SH2B2: variants seen among roughly 807,000 people sequenced by gnomAD.
The protein encoded by SH2B2 is SH2B adaptor protein 2.
A neutral mutation model predicts 35.7 loss-of-function variants in SH2B2; 37 were observed. The ratio of observed to expected loss-of-function variants is 1.04; its 90% CI spans 0.80 to 1.36. The LOEUF is 1.36. Among genes scored for constraint, SH2B2 ranks in the 40% most tolerant of loss-of-function variants. The probability of loss-of-function intolerance (pLI) is 0.00; values close to 1 mark genes in which losing one functional copy is unlikely to be tolerated. For missense variants in SH2B2, 852 were observed against 817.7 expected, an observed-to-expected ratio of 1.04 and a Z score of -0.51; for synonymous variants, 383 against 376.4, an observed-to-expected ratio of 1.02 and a Z score of -0.20.
At chr7:102,321,236 G>T in intron 8 of SH2B2, 63 bp from the exon 9 acceptor site, 5 of 1,276,434 alleles carry the variant, frequency 3.9e-6, no homozygotes, top group Non-Finnish European at 4.0e-6. Context: ...AGGGATCCCG[G>T]CCTCCCTGCA....
intron 7 of SH2B2, among the ~76,000 whole-genome samples, chr7:102,319,285 AC>A (rs1189525100): frequency 6.6e-6 from 1 of 152,084 alleles, no homozygotes; most frequent in Non-Finnish European, 1.5e-5. Context: ...CTGTGGTGGG[AC>A]CCCTCTGTGC....
At chr7:102,309,373 T>TG (rs1793528059) in intron 4 of SH2B2, 1 of 344,630 alleles carries the variant, frequency 2.9e-6, no homozygotes, top group Non-Finnish European at 5.7e-6. Flanking sequence ...TTTTTTTTTT[T>TG]TTTTTGAGAC....
chr7:102,300,748 C>G lies in SH2B2; in HGVS notation c.198C>G (p.Ala66=). 6 of 1,540,182 alleles carry G rather than the reference C, an allele frequency of 3.9e-6. No individual in the cohort carries two copies. Among genetic ancestry groups the G allele is most frequent in the Non-Finnish European group, 5.3e-6 (6 of 1,139,820 alleles). ...GCGCCTCCTTCTCCCGCCACTTCGC[C>G]GCCAACTTCCTGGACGTCTTCGGCG... ...DAGASFSRHF[A]ANFLDVFGEE... The change falls in exon 2 of 9, where the codon GCC becomes GCG. Residue 66 remains alanine, a synonymous_variant. Coordinates refer to ENST00000444095, the MANE Select transcript of SH2B2 (RefSeq NM_001359228.2).
chr7:102,321,533 G>C lies in SH2B2; in HGVS notation c.1802G>C (p.Arg601Pro). 3 of 1,144,306 alleles carry C rather than the reference G, an allele frequency of 2.6e-6. No individual in the cohort carries two copies. Among genetic ancestry groups the C allele is most frequent in the Non-Finnish European group, 3.2e-6 (3 of 932,822 alleles). 70.9% of individuals were successfully genotyped at this position (1,144,306 alleles called of 1,614,324 possible). A position where few individuals can be genotyped will look rare whatever the true frequency, so the allele number is the denominator to read the frequency against. ...SARSRSNSAE[R>P]LLEAVAATAA... ...CGGAGCCGCAGCAACAGCGCCGAGC[G>C]CCTGCTGGAGGCCGTGGCCGCCACC... Residue 601 changes from arginine to proline, a missense_variant, in exon 9 of 9, where the codon CGC (arginine) becomes CCC (proline). Arg to Pro is a moderately radical substitution (Grantham distance 103). Coordinates refer to ENST00000444095, the MANE Select transcript of SH2B2 (RefSeq NM_001359228.2).
chr7:102,289,276 C>A (rs1479074941), intron 1 of SH2B2, among the ~76,000 whole-genome samples: 7 of 152,080 alleles, frequency 4.6e-5, no homozygotes, highest in Admixed American at 3.9e-4. Context: ...GGACAACCAG[C>A]CAGGAGCTCA....
intron 2 of SH2B2, among the ~76,000 whole-genome samples, chr7:102,302,130 G>A (rs1331554710): frequency 6.6e-6 from 1 of 152,210 alleles, no homozygotes; most frequent in Admixed American, 6.5e-5. Context: ...CAAAGTGCTG[G>A]GATTACAAGC....
At chr7:102,300,114 C>T (rs1304171411) in intron 1 of SH2B2, among the ~76,000 whole-genome samples, 8 of 152,338 alleles carry the variant, frequency 5.3e-5, no homozygotes, top group African/African-American at 1.9e-4. Flanking sequence ...ACCTCTGCCT[C>T]TTGGGCTCAA....
chr7:102,288,433 C>G (rs1200368675), intron 1 of SH2B2, among the ~76,000 whole-genome samples: 4 of 152,114 alleles, frequency 2.6e-5, no homozygotes, highest in African/African-American at 9.7e-5. Flanking sequence ...CATACAAGAA[C>G]AGCCCCACCC....
At chr7:102,312,505 G>A (rs1793666381) in intron 4 of SH2B2, among the ~76,000 whole-genome samples, 1 of 152,198 alleles carries the variant, frequency 6.6e-6, no homozygotes, top group Admixed American at 6.5e-5. Context: ...GACCCAGCCA[G>A]GCCTGTCTGT....
At chr7:102,311,554 CTT>C (rs1171961750) in intron 4 of SH2B2, among the ~76,000 whole-genome samples, 62,371 of 103,410 alleles carry the variant, frequency 0.6, 18,652 homozygotes, top group East Asian at 0.64. Context: ...TGCAACTGGC[CTT>C]TTTTTTTTTT....
At position 102,320,422 on chromosome 7, in the gene SH2B2, C is replaced by A. The variant is rs782315534; in HGVS notation, c.1487C>A (p.Thr496Lys). 3.2e-5 allele frequency: 52 copies of A among 1,613,644 alleles called. No individual in the cohort carries two copies. The highest frequency in any genetic ancestry group is 3.8e-5 in the Non-Finnish European group (45 of 1,179,882). The stretch of plus-strand genomic sequence containing the variant: ...CTTGACATGCTCCGCCACTTCCACA[C>A]ACACCCCATCCCACTGGAGTCAGGG... Reference protein sequence around the residue: ...SVLDMLRHFHTHPIPLESGGS... With the variant: ...SVLDMLRHFHKHPIPLESGGS... Residue 496 changes from threonine to lysine, a missense_variant, in exon 8 of 9, where the codon ACA becomes AAA. Coordinates refer to ENST00000444095, the MANE Select transcript of SH2B2 (RefSeq NM_001359228.2).
rs113764263 is a variant in SH2B2, at chr7:102,286,955, G to C, written c.-169G>C. ...ACGCGCCGGGACCGCGAGGAGCGCAGGAGCCTTCGAGGCGGTGAACGAGGG... is the reference window on the plus strand; with the variant it reads ...ACGCGCCGGGACCGCGAGGAGCGCACGAGCCTTCGAGGCGGTGAACGAGGG... On this transcript the variant is annotated 5_prime_UTR_variant, in exon 1 of 9. Coordinates refer to ENST00000444095, the MANE Select transcript of SH2B2 (RefSeq NM_001359228.2). 89,588 of 146,660 alleles carry C rather than the reference G, an allele frequency of 0.61. 27,777 individuals are homozygous for C. The highest frequency in any genetic ancestry group is 0.72 in the Middle Eastern group (206 of 286). 9.1% of individuals were successfully genotyped at this position (146,660 alleles called of 1,614,324 possible).
At chr7:102,305,375 C>T (rs906569373) in intron 2 of SH2B2, among the ~76,000 whole-genome samples, 1 of 152,144 alleles carries the variant, frequency 6.6e-6, no homozygotes, top group Non-Finnish European at 1.5e-5. Flanking sequence ...AAGTGATCCT[C>T]GTGCCTCAGC....
intron 6 of SH2B2, among the ~76,000 whole-genome samples, chr7:102,315,957 G>A (rs1196064447): frequency 6.6e-6 from 1 of 151,910 alleles, no homozygotes; most frequent in Non-Finnish European, 1.5e-5. Context: ...GACTTCACCA[G>A]TGGGTTGGGT....
intron 2 of SH2B2, among the ~76,000 whole-genome samples, chr7:102,302,326 G>A (rs1369266509): frequency 6.6e-6 from 1 of 152,250 alleles, no homozygotes; most frequent in Admixed American, 6.5e-5. Flanking sequence ...CTGACTCCAT[G>A]GGGCTCTGCT....
chr7:102,292,892 G>A (rs1792730203), intron 1 of SH2B2, among the ~76,000 whole-genome samples: 1 of 152,208 alleles, frequency 6.6e-6, no homozygotes, highest in South Asian at 2.1e-4. Flanking sequence ...TCTCTTGGCA[G>A]TGGGGCGCAG....
chr7:102,310,320 TTAATAA>T (rs1278746464), intron 4 of SH2B2, among the ~76,000 whole-genome samples: 3 of 152,014 alleles, frequency 2.0e-5, no homozygotes, highest in Non-Finnish European at 2.9e-5. Flanking sequence ...TCTCAAAATA[TTAATAA>T]TAATAATTTT....
In SH2B2 at chr7:102,321,659, C is replaced by T; in HGVS notation, c.*29C>T. 8.9e-7 allele frequency: 1 copy of T among 1,124,058 alleles called. No homozygotes were observed. Among genetic ancestry groups the T allele is most frequent in the East Asian group, 4.6e-5 (1 of 21,828 alleles). 69.6% of individuals were successfully genotyped at this position (1,124,058 alleles called of 1,614,324 possible). A position where few individuals can be genotyped will look rare whatever the true frequency, so the allele number is the denominator to read the frequency against. On this transcript the variant is annotated 3_prime_UTR_variant, in exon 9 of 9. Transcript: ENST00000444095. The stretch of plus-strand genomic sequence containing the variant: ...GCGGCGCCGCCCGGGTGGGACACGC[C>T]AAGCTCTTCAGTGAAGACACGATGT...
intron 4 of SH2B2, chr7:102,309,352 TCTC>T (rs1275946222): frequency 1.3e-4 from 38 of 289,314 alleles, no homozygotes; most frequent in South Asian, 2.9e-4. Context: ...TCTCTCTCTC[TCTC>T]TTTTTTTTTT....
Sources: gnomAD v4.1 joint callset for allele counts (sites outside exome capture counted in the v4.1 genomes callset) on GRCh38, gnomAD v4.1.1 for gene constraint, MANE v1.5 for transcripts, NCBI Gene and HGNC (gene_info 2026-07-23, HGNC 2026-07-21) for gene names.